Variants in FBLN7 observed in about 807,000 individuals in gnomAD.
FBLN7 encodes fibulin-7.
A neutral mutation model predicts 44.0 loss-of-function variants in FBLN7; 31 were observed. The observed-to-expected ratio is 0.70, with a 90% CI of 0.53 to 0.95. FBLN7 has a LOEUF of 0.95. Among genes scored for constraint, FBLN7 ranks in the 40% least tolerant of loss-of-function variants. The pLI is 0.00. For missense variants in FBLN7, 573 were observed against 618.5 expected (o/e 0.93, Z 0.78); for synonymous variants, 262 against 253.4 (o/e 1.03, Z -0.32).
intron 1 of FBLN7, among the ~76,000 whole-genome samples, chr2:112,150,176 A>T (rs1180675123): frequency 6.6e-6 from 1 of 152,184 alleles, no homozygotes; most frequent in Non-Finnish European, 1.5e-5. Flanking sequence ...GGAGGGGGTT[A>T]TGAGCTCTGG....
intron 1 of FBLN7, among the ~76,000 whole-genome samples, chr2:112,157,747 A>C (rs2312697): frequency 0.47 from 70,873 of 151,748 alleles, 16,811 homozygotes; most frequent in Middle Eastern, 0.65. Flanking sequence ...CCTACAGGCG[A>C]GCACCACCAT....
At chr2:112,161,403 C>T (rs535832502) in intron 2 of FBLN7, among the ~76,000 whole-genome samples, 1 of 152,296 alleles carries the variant, frequency 6.6e-6, no homozygotes, top group Non-Finnish European at 1.5e-5. Context: ...GCAGAAATAA[C>T]CACCAGCCAA....
At chr2:112,161,309 T>G (rs2104568451) in intron 2 of FBLN7, among the ~76,000 whole-genome samples, 2 of 152,302 alleles carry the variant, frequency 1.3e-5, no homozygotes, top group South Asian at 4.1e-4. Context: ...AGGCGTTGGA[T>G]TTCCTACCTT....
At chr2:112,200,649 C>T in the FBLN7 span, among the ~76,000 whole-genome samples, 10 of 152,290 alleles carry the variant, frequency 6.6e-5, no homozygotes, top group South Asian at 2.1e-3. Context: ...ATTCTCCTGC[C>T]TCAGCCTCAC....
At chr2:112,175,610 T>G in intron 3 of FBLN7, 104 bp from the exon 4 acceptor site, 1 of 1,432,584 alleles carries the variant, frequency 7.0e-7, no homozygotes, top group Non-Finnish European at 9.5e-7. Flanking sequence ...AAGTGGGAGT[T>G]CTCCTACAAT....
At chr2:112,162,320 T>C (rs1478847079) in intron 2 of FBLN7, among the ~76,000 whole-genome samples, 4 of 133,704 alleles carry the variant, frequency 3.0e-5, no homozygotes, top group Non-Finnish European at 4.6e-5. Flanking sequence ...TGTTTTGCCT[T>C]TTTTTTTTTT....
intron 6 of FBLN7, 139 bp downstream of exon 6, chr2:112,183,067 A>C: frequency 8.8e-7 from 1 of 1,132,994 alleles, no homozygotes; most frequent in Non-Finnish European, 1.2e-6. Context: ...CCACCAACCA[A>C]AGGGCTTCTC....
At chr2:112,237,312 T>A in the FBLN7 span, among the ~76,000 whole-genome samples, 4 of 152,358 alleles carry the variant, frequency 2.6e-5, no homozygotes, top group East Asian at 7.7e-4. Context: ...TTTTGAAGTG[T>A]TCAGAGTATG....
At chr2:112,218,307 T>C in the FBLN7 span, among the ~76,000 whole-genome samples, 2 of 152,258 alleles carry the variant, frequency 1.3e-5, no homozygotes, top group Non-Finnish European at 2.9e-5. Context: ...AAGGGAACTC[T>C]ACTCAAGGTT....
At chr2:112,241,321 G>A in the FBLN7 span, among the ~76,000 whole-genome samples, 1 of 152,038 alleles carries the variant, frequency 6.6e-6, no homozygotes, top group Non-Finnish European at 1.5e-5. Context: ...TGGGTACTAC[G>A]ACCACCCACA....
chr2:112,238,445 A>T, the FBLN7 span: 1 of 1,613,556 alleles, frequency 6.2e-7, no homozygotes. Context: ...GACTGCAGAT[A>T]TCATTATCAC....
intron 1 of FBLN7, among the ~76,000 whole-genome samples, chr2:112,148,408 T>G (rs548663122): frequency 6.6e-6 from 1 of 152,352 alleles, no homozygotes; most frequent in South Asian, 2.1e-4. Flanking sequence ...GATCTATTGA[T>G]CTGAGATAAA....
chr2:112,241,701 T>A, the FBLN7 span, among the ~76,000 whole-genome samples: 1 of 152,240 alleles, frequency 6.6e-6, no homozygotes, highest in Admixed American at 6.5e-5. Context: ...ATTATAGTTG[T>A]TGCAGATCTC....
At chr2:112,179,057 G>T (rs991706999) in intron 4 of FBLN7, among the ~76,000 whole-genome samples, 2 of 152,198 alleles carry the variant, frequency 1.3e-5, no homozygotes, top group Non-Finnish European at 1.5e-5. Context: ...ATCTCTGTTT[G>T]CAGATGACAT....
chr2:112,172,970 G>A (rs1682551227), intron 3 of FBLN7, among the ~76,000 whole-genome samples: 2 of 152,168 alleles, frequency 1.3e-5, no homozygotes, highest in Non-Finnish European at 2.9e-5. Context: ...TTCAGTGGCT[G>A]GAACAGCCTG....
intron 1 of FBLN7, among the ~76,000 whole-genome samples, chr2:112,155,942 T>G (rs1476681298): frequency 6.6e-6 from 1 of 152,160 alleles, no homozygotes; most frequent in East Asian, 1.9e-4. Context: ...TGGCACAGAT[T>G]TCTCCCGGCT....
intron 6 of FBLN7, among the ~76,000 whole-genome samples, chr2:112,183,725 A>AG (rs1036062107): frequency 2.6e-5 from 4 of 152,144 alleles, no homozygotes; most frequent in Non-Finnish European, 4.4e-5. Context: ...GTCCATCAGC[A>AG]GTGGTTTCCT....
the FBLN7 span, chr2:112,211,897 A>G: frequency 6.6e-6 from 1 of 152,108 alleles, no homozygotes. Flanking sequence ...AAACATATAC[A>G]TTCTCCCCTC....
the FBLN7 span, among the ~76,000 whole-genome samples, chr2:112,229,685 A>G: frequency 2.0e-5 from 3 of 152,240 alleles, no homozygotes; most frequent in East Asian, 5.8e-4. Flanking sequence ...TGCATAAAAA[A>G]TAAGCACTTT....
Sources: allele counts gnomAD v4.1 joint callset (sites outside exome capture counted in the v4.1 genomes callset), GRCh38; gene constraint gnomAD v4.1.1; transcripts MANE v1.5; gene names NCBI Gene and HGNC (gene_info 2026-07-23, HGNC 2026-07-21).